Variants in IL19 observed in about 807,000 individuals in gnomAD.
IL19 encodes the protein interleukin 19.
In IL19, 15 loss-of-function variants were observed where a neutral mutation model predicts 19.5. That is an observed-to-expected ratio of 0.77 (90% CI 0.52 to 1.19). The LOEUF (loss-of-function observed/expected upper bound fraction) is 1.19. Ranked by LOEUF, IL19 falls within the 50% of genes most tolerant of loss-of-function variation. IL19 has a pLI of 0.00. For synonymous variants in IL19, 78 were observed against 78.3 expected, an observed-to-expected ratio of 1.00 and a Z score of 0.02; for missense variants, 199 against 213.1, an observed-to-expected ratio of 0.93 and a Z score of 0.41.
At chr1:206,800,250 CAG>C (rs1413575549) in intron 2 of IL19, among the ~76,000 whole-genome samples, 7 of 152,236 alleles carry the variant, frequency 4.6e-5, no homozygotes, top group African/African-American at 1.7e-4. Context: ...GACCATCAAT[CAG>C]TCAACACCGT....
At chr1:206,794,756 C>T (rs1675481002) in intron 1 of IL19, among the ~76,000 whole-genome samples, 1 of 152,120 alleles carries the variant, frequency 6.6e-6, no homozygotes, top group Non-Finnish European at 1.5e-5. Flanking sequence ...CCATCTGGGG[C>T]ACTTCTGTTT....
intron 1 of IL19, among the ~76,000 whole-genome samples, chr1:206,789,752 A>C (rs1675349848): frequency 6.6e-6 from 1 of 152,050 alleles, no homozygotes; most frequent in Admixed American, 6.6e-5. Flanking sequence ...CAATAGGCCC[A>C]GTGTATGTTG....
At position 206,775,729 on chromosome 1, in the gene IL19, C is replaced by T. The variant is rs377501604; in HGVS notation, c.-149+4651C>T. Among the ~76,000 whole-genome samples the T allele has an allele frequency of 7.2e-4, 109 of 152,324 alleles. 1 individual carries two copies. The highest frequency in any genetic ancestry group is 2.2e-3 in the African/African-American group (92 of 41,562). ...GGGGTCCACGGGGAAAAGTCCCAAG[C>T]CCATAGGTCATGTCTGAGACATGAA... On this transcript the variant is annotated intron_variant, in intron 1 of 6. Transcript: ENST00000659997.
In IL19 at chr1:206,795,722, C is replaced by G. The variant is rs145488019; in HGVS notation, c.-148-3139C>G. On this transcript the variant is annotated intron_variant, in intron 1 of 6. Coordinates refer to ENST00000659997, the MANE Select transcript of IL19 (RefSeq NM_153758.5). ...ATGGATAACTGTTTACCTTCCTGCT[C>G]CTGGATCAGAGCCTGCCCTCAAGTT... Among the ~76,000 whole-genome samples the G allele has an allele frequency of 2.3e-4, 35 of 152,248 alleles. No homozygotes were observed. In the East Asian group the frequency reaches 6.0e-3, roughly 26 times the overall value.
chr1:206,818,399 A>T (rs1051048134), intron 2 of IL19, among the ~76,000 whole-genome samples: 1 of 152,256 alleles, frequency 6.6e-6, no homozygotes, highest in African/African-American at 2.4e-5. Context: ...CACCATGGAC[A>T]AATCTCAAGA....
At chr1:206,774,225 G>T (rs892612642) in intron 1 of IL19, among the ~76,000 whole-genome samples, 6 of 152,184 alleles carry the variant, frequency 3.9e-5, no homozygotes, top group African/African-American at 1.4e-4. Context: ...AGGGGACTGT[G>T]GTGTCTCTTC....
At chr1:206,795,432 G>C (rs796460841) in intron 1 of IL19, among the ~76,000 whole-genome samples, 1 of 152,190 alleles carries the variant, frequency 6.6e-6, no homozygotes, top group African/African-American at 2.4e-5. Context: ...GCCCAAGCAG[G>C]TATGCTTAAA....
Position 206,839,819 on chromosome 1 carries a change from C to T in IL19, c.211-31C>T, listed in dbSNP as rs1029886625. The T allele has an allele frequency of 3.8e-6, 6 of 1,584,836 alleles. No individual in the cohort carries two copies. The African/African-American group carries it at 6.8e-5, about 18-fold the overall frequency. On this transcript the variant is annotated intron_variant, in intron 4 of 6. Coordinates refer to ENST00000659997, the MANE Select transcript of IL19 (RefSeq NM_153758.5). ...GTCTCCAACATAATGAGAGAAGAGGCCTCTAGTGTTTCCCTAATTTGTGTT... is the reference window on the plus strand; with the variant it reads ...GTCTCCAACATAATGAGAGAAGAGGTCTCTAGTGTTTCCCTAATTTGTGTT...
intron 5 of IL19, chr1:206,840,651 C>T (rs1350446653): frequency 4.6e-6 from 1 of 218,676 alleles, no homozygotes; most frequent in Admixed American, 5.2e-5. Context: ...GTTTAATTAA[C>T]AATTCGTTAA....
intron 5 of IL19, 113 bp downstream of exon 5, chr1:206,840,115 C>T: frequency 8.5e-7 from 1 of 1,183,408 alleles, no homozygotes. Flanking sequence ...AAAGGAAATT[C>T]TCTGCGCACG....
chr1:206,833,764 G>A, intron 2 of IL19: 1 of 985,460 alleles, frequency 1.0e-6, no homozygotes, highest in South Asian at 4.7e-5. Flanking sequence ...ACCCTCCAGG[G>A]GACAAGATGA....
intron 2 of IL19, among the ~76,000 whole-genome samples, chr1:206,808,583 C>G (rs1434611477): frequency 1.3e-5 from 2 of 151,860 alleles, no homozygotes; most frequent in East Asian, 1.9e-4. Flanking sequence ...AGAGATCTGG[C>G]ACTGAGACAG....
At chr1:206,781,949 ATATAT>A in intron 1 of IL19, among the ~76,000 whole-genome samples, 1 of 86,630 alleles carries the variant, frequency 1.2e-5, no homozygotes, top group South Asian at 3.6e-4. Context: ...GTATATAGTT[ATATAT>A]ACATATATAT....
rs764147547 is a variant in IL19, at chr1:206,836,721, T to C, written c.59T>C (p.Val20Ala). The C allele has an allele frequency of 6.2e-7, 1 of 1,613,570 alleles. No individual in the cohort carries two copies. The highest frequency in any genetic ancestry group is 1.1e-5 in the South Asian group (1 of 91,064). ...GGTACAATACTGATATTGTGCTCAG[T>C]AGACAACCACGGTCTCAGGAGATGT... ...LLGTILILCS[V>A]DNHGLRRCLI... Residue 20 changes from valine to alanine, a missense_variant, in exon 3 of 7, where the codon GTA becomes GCA. Coordinates refer to ENST00000659997, the MANE Select transcript of IL19 (RefSeq NM_153758.5).
intron 1 of IL19, among the ~76,000 whole-genome samples, chr1:206,779,419 A>G (rs1001690808): frequency 6.6e-6 from 1 of 152,000 alleles, no homozygotes; most frequent in Non-Finnish European, 1.5e-5. Context: ...CACTGGACCC[A>G]TTTTATGCAC....
At chr1:206,839,789 C>A in intron 4 of IL19, 61 bp from the exon 5 acceptor site, 2 of 1,467,638 alleles carry the variant, frequency 1.4e-6, no homozygotes, top group Non-Finnish European at 9.3e-7. Flanking sequence ...AAATGGACTG[C>A]CCTGGTCTCC....
intron 2 of IL19, among the ~76,000 whole-genome samples, chr1:206,804,755 C>A (rs779981649): frequency 2.0e-5 from 3 of 152,152 alleles, no homozygotes; most frequent in Non-Finnish European, 1.5e-5. Flanking sequence ...CCTTTGTTTG[C>A]GGGTGGAAGA....
Position 206,798,960 on chromosome 1 carries a change from A to T in IL19, c.-49A>T. 1 of 1,614,040 alleles carries T rather than the reference A, an allele frequency of 6.2e-7. No individual in the cohort carries two copies. Among genetic ancestry groups the T allele is most frequent in the South Asian group, 1.1e-5 (1 of 91,062 alleles). On this transcript the variant is annotated 5_prime_UTR_variant, in exon 2 of 7. Coordinates refer to ENST00000659997, the MANE Select transcript of IL19 (RefSeq NM_153758.5). ...CCTTACCACTCACACATGTGCACAC[A>T]CATATCCATGTGTGTGTGCCAGTGC...
intron 2 of IL19, among the ~76,000 whole-genome samples, chr1:206,835,249 C>T (rs1447242342): frequency 6.6e-6 from 1 of 152,114 alleles, no homozygotes; most frequent in African/African-American, 2.4e-5. Flanking sequence ...ACCCCAGTAG[C>T]GTTCTGAGGA....
Sources: allele counts gnomAD v4.1 joint callset (sites outside exome capture counted in the v4.1 genomes callset), GRCh38; gene constraint gnomAD v4.1.1; transcripts MANE v1.5; gene names NCBI Gene and HGNC (gene_info 2026-07-23, HGNC 2026-07-21).